The following PDE7B variants were observed in gnomAD, a reference collection of about 807,000 sequenced individuals.
PDE7B encodes 3',5'-cyclic-AMP phosphodiesterase 7B.
A neutral mutation model predicts 56.2 loss-of-function variants in PDE7B; 29 were observed. That is an observed-to-expected ratio of 0.52 (90% CI 0.38 to 0.70). PDE7B has a LOEUF of 0.70. Ranked by LOEUF, PDE7B falls within the 30% of genes least tolerant of loss-of-function variation. PDE7B has a pLI of 0.00. For synonymous variants in PDE7B, 197 were observed against 196.9 expected, an observed-to-expected ratio of 1.00 and a Z score of 0.00; for missense variants, 490 against 565.0, an observed-to-expected ratio of 0.87 and a Z score of 1.35.
rs1247891977 is a variant in PDE7B, at chr6:135,962,265, G to A, written c.82+14741G>A. Among the ~76,000 whole-genome samples, 4 of 152,110 alleles carry A rather than the reference G, an allele frequency of 2.6e-5. No individual in the cohort carries two copies. In the East Asian group the frequency reaches 5.8e-4, roughly 22 times the overall value. ...CTTCTAAACTTAACCTTCATGTGTT[G>A]TTTTCATGGACTTTATACATACTTG... On this transcript the variant is annotated intron_variant, in intron 2 of 12. Coordinates refer to ENST00000308191, the MANE Select transcript of PDE7B (RefSeq NM_018945.4).
chr6:135,899,815 A>T (rs556172530), intron 1 of PDE7B, among the ~76,000 whole-genome samples: 5 of 152,160 alleles, frequency 3.3e-5, no homozygotes, highest in African/African-American at 1.2e-4. Context: ...ATATTTTCAA[A>T]GTCATTGCAC....
intron 2 of PDE7B, among the ~76,000 whole-genome samples, chr6:136,099,690 T>A (rs1263862712): frequency 1.3e-5 from 2 of 152,224 alleles, no homozygotes; most frequent in African/African-American, 4.8e-5. Context: ...GTTAGATGGA[T>A]AGATTGCAAA....
rs961661015 is a variant in PDE7B, at chr6:136,193,338, A to T, written c.*1498A>T. ...TTTCCTTAATCTCATGTGAACAACT[A>T]CCCAACTGTTTAGCTGAAGTTCATA... On this transcript the variant is annotated 3_prime_UTR_variant, in exon 13 of 13. Transcript: ENST00000308191. 2.6e-5 allele frequency: 4 copies of T among 152,622 alleles called. No homozygotes were observed. The highest frequency in any genetic ancestry group is 5.9e-5 in the Non-Finnish European group (4 of 68,042). 9.5% of individuals were successfully genotyped at this position (152,622 alleles called of 1,614,324 possible).
chr6:135,996,966 T>G (rs773772577), intron 2 of PDE7B, among the ~76,000 whole-genome samples: 15 of 152,200 alleles, frequency 9.9e-5, no homozygotes, highest in Non-Finnish European at 1.8e-4. Context: ...AACTGTTAAA[T>G]CTGATAAGAA....
intron 2 of PDE7B, among the ~76,000 whole-genome samples, chr6:135,982,347 C>T (rs1775310861): frequency 6.6e-6 from 1 of 152,090 alleles, no homozygotes; most frequent in African/African-American, 2.4e-5. Flanking sequence ...ATTTTTTTCT[C>T]TCGGCCCAGA....
At chr6:135,939,274 C>G (rs1466452612) in intron 1 of PDE7B, among the ~76,000 whole-genome samples, 1 of 151,798 alleles carries the variant, frequency 6.6e-6, no homozygotes, top group Non-Finnish European at 1.5e-5. Context: ...CTGCTCAGCT[C>G]GAGGTGATTA....
At chr6:136,148,817 T>C (rs576066922) in intron 4 of PDE7B, among the ~76,000 whole-genome samples, 2 of 152,260 alleles carry the variant, frequency 1.3e-5, no homozygotes, top group East Asian at 3.9e-4. Context: ...GTCTTTAATA[T>C]TGTGTGAGTT....
Position 135,907,602 on chromosome 6 carries a change from G to A in PDE7B, c.22-39862G>A, listed in dbSNP as rs373699020. Among the ~76,000 whole-genome samples the A allele has an allele frequency of 5.3e-5, 8 of 152,144 alleles. No homozygotes were observed. In the East Asian group the frequency reaches 1.5e-3, roughly 29 times the overall value. On this transcript the variant is annotated intron_variant, in intron 1 of 12. Transcript: ENST00000308191. ...AATAAGAGAATATTAGAAATGTGCTGGTTAAAAATTGAATGTACAACATTA... is the reference window on the plus strand; with the variant it reads ...AATAAGAGAATATTAGAAATGTGCTAGTTAAAAATTGAATGTACAACATTA...
intron 3 of PDE7B, among the ~76,000 whole-genome samples, chr6:136,141,102 T>C (rs984921750): frequency 2.6e-5 from 4 of 152,174 alleles, no homozygotes; most frequent in Non-Finnish European, 5.9e-5. Context: ...AGCTGTGGGT[T>C]TGTCATAGAT....
chr6:136,042,451 G>A (rs577809044), intron 2 of PDE7B, among the ~76,000 whole-genome samples: 3 of 152,266 alleles, frequency 2.0e-5, no homozygotes, highest in Admixed American at 1.3e-4. Flanking sequence ...TCATTTCGGT[G>A]TCTCTGGTCT....
At chr6:136,119,840 C>G (rs1777899693) in intron 3 of PDE7B, among the ~76,000 whole-genome samples, 1 of 152,170 alleles carries the variant, frequency 6.6e-6, no homozygotes, top group African/African-American at 2.4e-5. Context: ...ATAAGCCTTA[C>G]CTTCAAGATA....
chr6:136,005,856 T>C (rs1488253289), intron 2 of PDE7B, among the ~76,000 whole-genome samples: 1 of 152,226 alleles, frequency 6.6e-6, no homozygotes, highest in East Asian at 1.9e-4. Flanking sequence ...CATTACTGAG[T>C]ATATACCCAA....
intron 1 of PDE7B, among the ~76,000 whole-genome samples, chr6:135,899,773 T>G (rs551994382): frequency 3.1e-4 from 47 of 152,226 alleles, no homozygotes; most frequent in Admixed American, 1.8e-3. Context: ...TAGATCTTTT[T>G]GGAAGCTTTT....
At chr6:135,962,086 G>A (rs1774912282) in intron 2 of PDE7B, among the ~76,000 whole-genome samples, 1 of 151,988 alleles carries the variant, frequency 6.6e-6, no homozygotes, top group Non-Finnish European at 1.5e-5. Flanking sequence ...TGTGATGTGT[G>A]GTATGTGGGG....
chr6:136,149,037 G>T (rs1446850984), intron 4 of PDE7B, 50 bp from the exon 5 acceptor site: 3 of 1,262,046 alleles, frequency 2.4e-6, no homozygotes, highest in African/African-American at 2.9e-5. Context: ...GTAAATGTTT[G>T]AGTCTCCAGT....
At chr6:136,187,169 A>G in intron 12 of PDE7B, 53 bp downstream of exon 12, 2 of 881,714 alleles carry the variant, frequency 2.3e-6, no homozygotes, top group Non-Finnish European at 3.7e-6. Context: ...ACATCTCACA[A>G]AAGTGACAAA....
chr6:135,919,050 T>C (rs1308868371), intron 1 of PDE7B, among the ~76,000 whole-genome samples: 1 of 152,236 alleles, frequency 6.6e-6, no homozygotes, highest in Non-Finnish European at 1.5e-5. Context: ...AAAATATTAT[T>C]ATATCACTTT....
chr6:135,965,269 C>T (rs113750237), intron 2 of PDE7B, among the ~76,000 whole-genome samples: 2,021 of 152,148 alleles, frequency 0.013, 54 homozygotes, highest in African/African-American at 0.045. Flanking sequence ...GGTGAGGGTG[C>T]TGATTTGAGA....
At chr6:135,940,569 C>CT in intron 1 of PDE7B, among the ~76,000 whole-genome samples, 1 of 152,274 alleles carries the variant, frequency 6.6e-6, no homozygotes, top group Middle Eastern at 3.4e-3. Context: ...CAGGAGATAT[C>CT]TTTTTATGCT....
Sources: allele counts gnomAD v4.1 joint callset (sites outside exome capture counted in the v4.1 genomes callset), GRCh38; gene constraint gnomAD v4.1.1; transcripts MANE v1.5; gene names NCBI Gene and HGNC (gene_info 2026-07-23, HGNC 2026-07-21).